The following KDSR variants were observed in gnomAD, a reference collection of about 807,000 sequenced individuals.
KDSR encodes 3-ketodihydrosphingosine reductase, also known as 3-dehydrosphinganine reductase.
In KDSR, 23 loss-of-function variants were observed where a neutral mutation model predicts 41.3. The ratio of observed to expected loss-of-function variants is 0.56; its 90% confidence interval spans 0.40 to 0.79. The LOEUF (loss-of-function observed/expected upper bound fraction) is 0.79, where lower values mean the gene tolerates loss of function less well. KDSR is among the 30% of genes least tolerant of loss of function. KDSR has a pLI of 0.00. For synonymous variants in KDSR, 138 were observed against 151.7 expected, an observed-to-expected ratio of 0.91 and a Z score of 0.66; for missense variants, 351 against 416.8, an observed-to-expected ratio of 0.84 and a Z score of 1.37.
intron 6 of KDSR, among the ~76,000 whole-genome samples, 193 bp downstream of exon 6, chr18:63,350,695 G>T (rs1025996925): frequency 6.6e-6 from 1 of 152,086 alleles, no homozygotes; most frequent in Non-Finnish European, 1.5e-5. Context: ...TGCATCTGTC[G>T]TTAACTATAG....
intron 8 of KDSR, among the ~76,000 whole-genome samples, chr18:63,337,137 T>TAG (rs61483229): frequency 6.9e-6 from 1 of 145,722 alleles, no homozygotes; most frequent in Non-Finnish European, 1.5e-5. Flanking sequence ...TATATATATA[T>TAG]GGAGTTTTGC....
intron 5 of KDSR, 144 bp from the exon 6 acceptor site, chr18:63,351,223 T>C: frequency 1.7e-6 from 1 of 601,920 alleles, no homozygotes; most frequent in South Asian, 2.4e-5. Context: ...GAATGAATGA[T>C]GACATGATGA....
chr18:63,364,450 C>CTT (rs796857450), intron 1 of KDSR, among the ~76,000 whole-genome samples: 9 of 144,560 alleles, frequency 6.2e-5, no homozygotes, highest in African/African-American at 1.3e-4. Flanking sequence ...CATTATTTTT[C>CTT]TTTTTTTTTT....
intron 3 of KDSR, among the ~76,000 whole-genome samples, chr18:63,359,051 T>A (rs1194461288): frequency 2.7e-5 from 4 of 148,578 alleles, no homozygotes; most frequent in African/African-American, 9.9e-5. Context: ...TGATGGCACG[T>A]GTCTATAATC....
In KDSR at chr18:63,346,852, GT is replaced by G. The variant is rs756649483; in HGVS notation, c.610-2360del. On this transcript the variant is annotated intron_variant, in intron 6 of 9. Transcript: ENST00000645214. ...AACAAAGCATAAGGTTAAGATTCTA[GT>G]TTCCTGAAACTCTTGGTCAAATAAT... Among the ~76,000 whole-genome samples the G allele has an allele frequency of 3.3e-5, 5 of 152,262 alleles. 1 individual carries two copies. Among genetic ancestry groups the G allele is most frequent in the Admixed American group, 6.5e-5 (1 of 15,292 alleles).
At chr18:63,334,530 T>C (rs978209888) in intron 9 of KDSR, among the ~76,000 whole-genome samples, 2 of 152,188 alleles carry the variant, frequency 1.3e-5, no homozygotes, top group African/African-American at 4.8e-5. Flanking sequence ...TTTGTGTTTT[T>C]AGTAGAAACA....
chr18:63,340,436 G>A (rs1385280891), intron 7 of KDSR, among the ~76,000 whole-genome samples: 1 of 152,176 alleles, frequency 6.6e-6, no homozygotes, highest in Non-Finnish European at 1.5e-5. Flanking sequence ...CAATTTTTAT[G>A]CTGCAGAGAT....
chr18:63,330,666 C>T lies in KDSR; in HGVS notation c.*1116G>A, dbSNP rs967191038. On this transcript the variant is annotated 3_prime_UTR_variant, in exon 10 of 10. Coordinates refer to ENST00000645214, the MANE Select transcript of KDSR (RefSeq NM_002035.4). ...TTGTCTTTTTTTCTTAATGAGCAAA[C>T]TTTATACCATCATCAGCCTTTCCTA... The T allele has an allele frequency of 8.6e-6, 2 of 231,506 alleles. No individual in the cohort carries two copies. The highest frequency in any genetic ancestry group is 1.1e-4 in the Admixed American group (2 of 17,726). The allele number at this position is 231,506 out of a possible 1,614,324, so 14.3% of individuals were successfully genotyped here.
At chr18:63,344,551 C>A in intron 6 of KDSR, 58 bp from the exon 7 acceptor site, 2 of 1,222,576 alleles carry the variant, frequency 1.6e-6, no homozygotes, top group Non-Finnish European at 1.2e-6. Flanking sequence ...AGGTCCTACA[C>A]TGCCAACCTG....
intron 1 of KDSR, among the ~76,000 whole-genome samples, chr18:63,363,905 TA>T (rs1410311954): frequency 1.3e-5 from 2 of 152,164 alleles, no homozygotes; most frequent in Non-Finnish European, 2.9e-5. Flanking sequence ...GACTCCATGT[TA>T]GGATTTTAAC....
Position 63,344,572 on chromosome 18 carries a change from C to T in KDSR, c.610-79G>A, listed in dbSNP as rs1914442175. 6 of 969,652 alleles carry T rather than the reference C, an allele frequency of 6.2e-6. No homozygotes were observed. In the Admixed American group the frequency reaches 9.2e-5, roughly 15 times the overall value. 60.1% of individuals were successfully genotyped at this position (969,652 alleles called of 1,614,324 possible). On this transcript the variant is annotated intron_variant, in intron 6 of 9. Coordinates refer to ENST00000645214, the MANE Select transcript of KDSR (RefSeq NM_002035.4). The stretch of plus-strand genomic sequence containing the variant: ...TACACTGCCAACCTGCACTGGCTGC[C>T]CTGATTCCCAAAAAGCGGTGAGAAC...
At chr18:63,344,771 G>T in intron 6 of KDSR, 1 of 318,386 alleles carries the variant, frequency 3.1e-6, no homozygotes, top group South Asian at 7.3e-5. Flanking sequence ...CTGCTGCCCA[G>T]ACAGAGGCCC....
chr18:63,358,126 C>A (rs1914855717), intron 3 of KDSR, among the ~76,000 whole-genome samples: 1 of 152,096 alleles, frequency 6.6e-6, no homozygotes, highest in African/African-American at 2.4e-5. Context: ...GATTGTGCCA[C>A]TGCACTCCAG....
At chr18:63,344,916 TC>T (rs1284975419) in intron 6 of KDSR, 2 of 157,526 alleles carry the variant, frequency 1.3e-5, no homozygotes, top group Non-Finnish European at 2.8e-5. Context: ...CATCTGTTTT[TC>T]CTTCAGACTG....
In KDSR at chr18:63,331,326, C is replaced by CAGAGAGAG; in HGVS notation, c.*448_*455dup. 1 of 92,316 alleles carries CAGAGAGAG rather than the reference C, an allele frequency of 1.1e-5. No individual in the cohort carries two copies. The highest frequency in any genetic ancestry group is 2.4e-5 in the Non-Finnish European group (1 of 41,074). 5.7% of individuals were successfully genotyped at this position (92,316 alleles called of 1,614,324 possible). ...ACAGAGAGACAGAGAGACAGAGAGA[C>CAGAGAGAG]AGAGAGAGAGAGAGAGAGAACCCGA... is the stretch of plus-strand genomic sequence containing the variant. On this transcript the variant is annotated 3_prime_UTR_variant, in exon 10 of 10. Transcript: ENST00000645214.
intron 5 of KDSR, among the ~76,000 whole-genome samples, chr18:63,351,658 G>A (rs1281192629): frequency 2.0e-5 from 3 of 152,190 alleles, no homozygotes; most frequent in Non-Finnish European, 2.9e-5. Flanking sequence ...AAACACAAGC[G>A]CTAGCACAGT....
intron 6 of KDSR, among the ~76,000 whole-genome samples, chr18:63,347,121 G>T (rs867057260): frequency 2.6e-5 from 4 of 151,854 alleles, no homozygotes; most frequent in African/African-American, 7.3e-5. Flanking sequence ...CTGTGCCCCC[G>T]ACTCTGCCCC....
At chr18:63,352,408 G>A (rs1052912962) in intron 5 of KDSR, among the ~76,000 whole-genome samples, 7 of 152,122 alleles carry the variant, frequency 4.6e-5, no homozygotes, top group African/African-American at 1.7e-4. Context: ...TCTGCCTCCT[G>A]GGTTCAAGCG....
chr18:63,338,854 G>A lies in KDSR; in HGVS notation c.723C>T (p.Thr241=), dbSNP rs748693779. 6.2e-7 allele frequency: 1 copy of A among 1,607,920 alleles called. No homozygotes were observed. Among genetic ancestry groups the A allele is most frequent in the Non-Finnish European group, 8.5e-7 (1 of 1,178,176 alleles). Residue 241 remains threonine, a synonymous_variant, in exon 8 of 10, where the codon ACC becomes ACT. Coordinates refer to ENST00000645214, the MANE Select transcript of KDSR (RefSeq NM_002035.4). ...CCTGTTCTGGTTTGCACACAGATGT[G>A]GTCTCTGAAATAAGTCGAGTCTCCA... is the stretch of plus-strand genomic sequence containing the variant. ...KPLETRLISE[T]TSVCKPEQVA...
Sources: allele counts gnomAD v4.1 joint callset (sites outside exome capture counted in the v4.1 genomes callset), GRCh38; gene constraint gnomAD v4.1.1; transcripts MANE v1.5; gene names NCBI Gene and HGNC (gene_info 2026-07-23, HGNC 2026-07-21).